The following ZFYVE21 variants were observed in gnomAD, a reference collection of about 807,000 sequenced individuals.
ZFYVE21 encodes the protein zinc finger FYVE-type containing 21, also known as zinc finger FYVE domain-containing protein 21.
Under a neutral mutation model 29.5 loss-of-function variants are expected in ZFYVE21, and 21 were observed. That is an observed-to-expected ratio of 0.71 (90% CI 0.50 to 1.02). ZFYVE21 has a LOEUF of 1.02. ZFYVE21 is among the 50% of genes least tolerant of loss of function. The pLI is 0.00. For synonymous variants in ZFYVE21, 151 were observed against 133.8 expected (o/e 1.13, Z -0.89); for missense variants, 326 against 335.4 (o/e 0.97, Z 0.22).
Position 103,726,947 on chromosome 14 carries a change from C to CGTTTTTTTTTT in ZFYVE21, c.189+106_189+116dup, listed in dbSNP as rs1555430529. 538 of 679,234 alleles carry CGTTTTTTTTTT rather than the reference C, an allele frequency of 7.9e-4. 17 individuals carry two copies. Among genetic ancestry groups the CGTTTTTTTTTT allele is most frequent in the African/African-American group, 1.4e-3 (51 of 35,864 alleles). 42.1% of individuals were successfully genotyped at this position (679,234 alleles called of 1,614,324 possible). ...AGGGGACGGATGTCATCTTATGGCTCGTTTTTTTTTTTTTTGAGACGGAGT... is the reference window on the plus strand; with the variant it reads ...AGGGGACGGATGTCATCTTATGGCTCGTTTTTTTTTTGTTTTTTTTTTTTTTGAGACGGAGT... On this transcript the variant is annotated intron_variant, in intron 2 of 6. Transcript: ENST00000311141.
At chr14:103,720,063 A>AG (rs2083860263) in intron 1 of ZFYVE21, among the ~76,000 whole-genome samples, 1 of 152,198 alleles carries the variant, frequency 6.6e-6, no homozygotes, top group African/African-American at 2.4e-5. Context: ...ACGTGTTTCT[A>AG]GTCCCTGAGA....
chr14:103,732,140 C>T (rs1168147818), intron 5 of ZFYVE21: 2 of 152,772 alleles, frequency 1.3e-5, no homozygotes, highest in Non-Finnish European at 2.9e-5. Flanking sequence ...CCTCTGACTC[C>T]TGGGTGAGGC....
At position 103,733,067 on chromosome 14, in the gene ZFYVE21, C is replaced by A; in HGVS notation, c.*49C>A. On this transcript the variant is annotated 3_prime_UTR_variant, in exon 7 of 7. Coordinates refer to ENST00000311141, the MANE Select transcript of ZFYVE21 (RefSeq NM_024071.4). ...GTACGTGTGGTCACCAGGACTGAGT[C>A]GCTTGGAACAGCAGAGCCTGCTCCT... is the stretch of plus-strand genomic sequence containing the variant. The A allele has an allele frequency of 6.2e-7, 1 of 1,612,832 alleles. No individual in the cohort carries two copies. The highest frequency in any genetic ancestry group is 1.1e-5 in the South Asian group (1 of 91,000).
At position 103,726,800 on chromosome 14, in the gene ZFYVE21, A is replaced by G. The variant is rs2083929010; in HGVS notation, c.147A>G (p.Arg49=). 8 of 1,613,646 alleles carry G rather than the reference A, an allele frequency of 5.0e-6. No homozygotes were observed. Among genetic ancestry groups the G allele is most frequent in the Admixed American group, 3.3e-5 (2 of 59,980 alleles). ...PQWVPDKECR[R]CMQCDAKFDF... Reference sequence around the variant, plus strand: ...TGTCGTGTCTTTCCTAGTGTCGGAGATGTATGCAGTGTGACGCCAAGTTTG... The same window carrying G: ...TGTCGTGTCTTTCCTAGTGTCGGAGGTGTATGCAGTGTGACGCCAAGTTTG... The change falls in exon 2 of 7, where the codon AGA becomes AGG. Residue 49 remains arginine (R), a synonymous_variant. Transcript: ENST00000311141.
chr14:103,716,142 C>T lies in ZFYVE21; in HGVS notation c.138+163C>T, dbSNP rs1270634501. 6.6e-6 allele frequency among the ~76,000 whole-genome samples: 1 copy of T among 151,696 alleles called. No individual in the cohort carries two copies. Among genetic ancestry groups the T allele is most frequent in the South Asian group, 2.1e-4 (1 of 4,832 alleles). On this transcript the variant is annotated intron_variant, in intron 1 of 6. Coordinates refer to ENST00000311141, the MANE Select transcript of ZFYVE21 (RefSeq NM_024071.4). The surrounding 1 kb of genome is among the most constrained non-coding windows in gnomAD (Gnocchi z 4.8). ...TCCCAGGTTGGCCGCGTCCCCGGGC[C>T]GCCGCCTCAGGCTCCTACGCCCGCG...
At chr14:103,727,401 G>T in intron 2 of ZFYVE21, 1 of 340,162 alleles carries the variant, frequency 2.9e-6, no homozygotes, top group Non-Finnish European at 5.8e-6. Context: ...TCCCCGTGCC[G>T]CTTTGCCCTC....
intron 1 of ZFYVE21, among the ~76,000 whole-genome samples, chr14:103,720,537 C>T (rs1191359642): frequency 6.6e-6 from 1 of 152,156 alleles, no homozygotes; most frequent in Non-Finnish European, 1.5e-5. Context: ...TGTCCATGTC[C>T]AGCCTGTGTC....
At chr14:103,727,106 T>C (rs1555430544) in intron 2 of ZFYVE21, 3 of 420,670 alleles carry the variant, frequency 7.1e-6, no homozygotes, top group African/African-American at 2.1e-5. Context: ...CCACCACGCC[T>C]GGCTAATATT....
chr14:103,717,312 G>A (rs1439906032), intron 1 of ZFYVE21, among the ~76,000 whole-genome samples: 1 of 152,126 alleles, frequency 6.6e-6, no homozygotes, highest in East Asian at 1.9e-4. Context: ...AAGTTGACAC[G>A]TGAAAATTGT....
Position 103,716,034 on chromosome 14 carries a change from G to T in ZFYVE21, c.138+55G>T. The T allele has an allele frequency of 1.7e-6, 2 of 1,177,538 alleles. No homozygotes were observed. Among genetic ancestry groups the T allele is most frequent in the Non-Finnish European group, 1.1e-6 (1 of 951,076 alleles). The allele number at this position is 1,177,538 out of a possible 1,614,324, so 72.9% of individuals were successfully genotyped here. A position where few individuals can be genotyped will look rare whatever the true frequency, so the allele number is the denominator to read the frequency against. ...CCGACCCGCCCCGCCGCCCCGGCCC[G>T]GCCCCGCGGGCTTCCAGGCTCCCGC... is the stretch of plus-strand genomic sequence containing the variant. On this transcript the variant is annotated intron_variant, in intron 1 of 6. Transcript: ENST00000311141. This position sits in a 1 kb window ranked among gnomAD's most constrained non-coding sequence, Gnocchi z 4.8.
At chr14:103,717,699 G>C (rs1388903755) in intron 1 of ZFYVE21, among the ~76,000 whole-genome samples, 1 of 152,248 alleles carries the variant, frequency 6.6e-6, no homozygotes. Context: ...ACGCTGGCGT[G>C]GTGGCAGGAT....
Position 103,732,777 on chromosome 14 carries a change from G to A in ZFYVE21, c.669+15G>A. On this transcript the variant is annotated intron_variant, in intron 6 of 6. Transcript: ENST00000311141. Reference sequence around the variant, plus strand: ...CCATGCACAAGGTACCTGAGCCCAGGCCAGGGAGGCTGGGCCCTTTGGCTT... The same window carrying A: ...CCATGCACAAGGTACCTGAGCCCAGACCAGGGAGGCTGGGCCCTTTGGCTT... 1 of 1,609,664 alleles carries A rather than the reference G, an allele frequency of 6.2e-7. No individual in the cohort carries two copies. The highest frequency in any genetic ancestry group is 8.5e-7 in the Non-Finnish European group (1 of 1,178,458).
Position 103,727,827 on chromosome 14 carries a change from G to C in ZFYVE21, c.271G>C (p.Asp91His). 6.2e-7 allele frequency: 1 copy of C among 1,613,202 alleles called. No individual in the cohort carries two copies. The highest frequency in any genetic ancestry group is 8.5e-7 in the Non-Finnish European group (1 of 1,179,930). Residue 91 changes from aspartate (D) to histidine (H), a missense_variant, in exon 3 of 7, where the codon GAC becomes CAC. Physicochemically the swap from Asp to His is moderately conservative, Grantham distance 81. Coordinates refer to ENST00000311141, the MANE Select transcript of ZFYVE21 (RefSeq NM_024071.4). ...GCCGCTGCGGCGCATGTGCTTTGTGGACCCCGTGCGGCAGTGCGCGGAGTG... is the reference window on the plus strand; with the variant it reads ...GCCGCTGCGGCGCATGTGCTTTGTGCACCCCGTGCGGCAGTGCGCGGAGTG... ...KVPLRRMCFV[D>H]PVRQCAECAL...
At chr14:103,717,078 G>A (rs748259006) in intron 1 of ZFYVE21, among the ~76,000 whole-genome samples, 4 of 151,886 alleles carry the variant, frequency 2.6e-5, no homozygotes, top group Non-Finnish European at 4.4e-5. Context: ...GAGGCCTGGT[G>A]GGGGGTGAGC....
chr14:103,721,869 A>C (rs2083875321), intron 1 of ZFYVE21, among the ~76,000 whole-genome samples: 1 of 152,262 alleles, frequency 6.6e-6, no homozygotes, highest in Non-Finnish European at 1.5e-5. Flanking sequence ...AGTCTGCTCC[A>C]GCCCACGCTG....
intron 5 of ZFYVE21, chr14:103,729,968 T>C (rs2151953033): frequency 8.6e-7 from 1 of 1,164,900 alleles, no homozygotes; most frequent in East Asian, 2.6e-5. Flanking sequence ...TGAATTCACT[T>C]ACTTTGGTTG....
At position 103,716,008 on chromosome 14, in the gene ZFYVE21, T is replaced by A; in HGVS notation, c.138+29T>A. ...GGTGGCCGTCGCCCCGGCCAGCGCC[T>A]CCGACCCGCCCCGCCGCCCCGGCCC... On this transcript the variant is annotated intron_variant, in intron 1 of 6. Transcript: ENST00000311141. This position sits in a 1 kb window ranked among gnomAD's most constrained non-coding sequence, Gnocchi z 4.8. 2 of 1,205,688 alleles carry A rather than the reference T, an allele frequency of 1.7e-6. No individual in the cohort carries two copies. Among genetic ancestry groups the A allele is most frequent in the Non-Finnish European group, 2.1e-6 (2 of 966,216 alleles). 74.7% of individuals were successfully genotyped at this position (1,205,688 alleles called of 1,614,324 possible).
At chr14:103,723,271 T>C (rs928333920) in intron 1 of ZFYVE21, among the ~76,000 whole-genome samples, 4 of 152,344 alleles carry the variant, frequency 2.6e-5, no homozygotes, top group South Asian at 2.1e-4. Flanking sequence ...AGGCAGGGAC[T>C]GTGCCACCGC....
chr14:103,719,853 G>C (rs937704432), intron 1 of ZFYVE21, among the ~76,000 whole-genome samples: 1 of 152,024 alleles, frequency 6.6e-6, no homozygotes, highest in Non-Finnish European at 1.5e-5. Flanking sequence ...AGGTGTTGCT[G>C]TGTCACCCAG....
Sources: allele counts gnomAD v4.1 joint callset (sites outside exome capture counted in the v4.1 genomes callset), GRCh38; gene constraint gnomAD v4.1.1; non-coding constraint Gnocchi (gnomAD v3.1); transcripts MANE v1.5; gene names NCBI Gene and HGNC (gene_info 2026-07-23, HGNC 2026-07-21).